PPARGC1A: variants seen among roughly 807,000 people sequenced by gnomAD.
PPARGC1A encodes PPARG coactivator 1 alpha.
A neutral mutation model predicts 88.7 loss-of-function variants in PPARGC1A; 25 were observed. The ratio of observed to expected loss-of-function variants is 0.28; its 90% CI spans 0.21 to 0.39. The LOEUF is 0.39. Ranked by LOEUF, PPARGC1A falls within the 10% of genes least tolerant of loss-of-function variation. The pLI is 1.00. For missense variants in PPARGC1A, 880 were observed against 968.7 expected (o/e 0.91, Z 1.22); for synonymous variants, 363 against 355.6 (o/e 1.02, Z -0.24).
the PPARGC1A span, among the ~76,000 whole-genome samples, chr4:24,162,012 A>ACC: frequency 7.2e-6 from 1 of 139,036 alleles, no homozygotes; most frequent in East Asian, 2.1e-4. Context: ...ACACACACAC[A>ACC]CCATGGAATA....
chr4:24,274,682 T>C, the PPARGC1A span, among the ~76,000 whole-genome samples: 1 of 152,342 alleles, frequency 6.6e-6, no homozygotes, highest in Admixed American at 6.5e-5. Flanking sequence ...GCTAGATTTG[T>C]CTTATCTGCC....
the PPARGC1A span, among the ~76,000 whole-genome samples, chr4:24,350,249 TC>T: frequency 6.6e-6 from 1 of 152,132 alleles, no homozygotes; most frequent in African/African-American, 2.4e-5. Context: ...AGGTGATCTG[TC>T]CGTCTTGGCC....
At chr4:24,331,782 T>C in the PPARGC1A span, among the ~76,000 whole-genome samples, 16 of 150,614 alleles carry the variant, frequency 1.1e-4, no homozygotes, top group Middle Eastern at 3.4e-3. Flanking sequence ...TATATATATA[T>C]ATATTTTAAG....
At chr4:23,824,861 G>A (rs916595613) in intron 5 of PPARGC1A, among the ~76,000 whole-genome samples, 2 of 152,058 alleles carry the variant, frequency 1.3e-5, no homozygotes, top group African/African-American at 4.8e-5. Context: ...AAACAGCAGA[G>A]CAACTATAAG....
the PPARGC1A span, among the ~76,000 whole-genome samples, chr4:24,320,430 ACCT>A: frequency 2.0e-5 from 3 of 152,202 alleles, no homozygotes; most frequent in South Asian, 6.2e-4. Context: ...AAAGTAAACA[ACCT>A]TAGCATTCAA....
the PPARGC1A span, among the ~76,000 whole-genome samples, chr4:24,010,101 T>C: frequency 6.6e-6 from 1 of 152,218 alleles, no homozygotes; most frequent in African/African-American, 2.4e-5. Flanking sequence ...TGGATTTCAT[T>C]AGACCTGCAG....
chr4:23,818,676 A>T (rs61795671), intron 7 of PPARGC1A, among the ~76,000 whole-genome samples: 115 of 145,532 alleles, frequency 7.9e-4, no homozygotes, highest in African/African-American at 2.8e-3. Context: ...CCTTTTATTT[A>T]AAAAAAAAAG....
At chr4:23,970,060 T>C in the PPARGC1A span, among the ~76,000 whole-genome samples, 30 of 152,150 alleles carry the variant, frequency 2.0e-4, no homozygotes, top group Non-Finnish European at 3.7e-4. Flanking sequence ...TGTGTGATGG[T>C]TTAGAGTATG....
chr4:24,382,548 A>G, the PPARGC1A span, among the ~76,000 whole-genome samples: 1 of 152,310 alleles, frequency 6.6e-6, no homozygotes, highest in Admixed American at 6.5e-5. Flanking sequence ...ATGTTTGTAG[A>G]CTATTTGTAG....
chr4:24,268,305 A>G, the PPARGC1A span, among the ~76,000 whole-genome samples: 2 of 152,242 alleles, frequency 1.3e-5, no homozygotes, highest in African/African-American at 4.8e-5. Flanking sequence ...GTATTAACCA[A>G]GGTCACTGCT....
chr4:24,062,253 G>C, the PPARGC1A span, among the ~76,000 whole-genome samples: 1 of 152,198 alleles, frequency 6.6e-6, no homozygotes, highest in Non-Finnish European at 1.5e-5. Context: ...TGTAATACCT[G>C]CAGGATTCGG....
At chr4:24,084,353 T>C in the PPARGC1A span, among the ~76,000 whole-genome samples, 88 of 152,218 alleles carry the variant, frequency 5.8e-4, 1 homozygote, top group Admixed American at 1.3e-4. Context: ...TGGATTTAGG[T>C]TGCTTAGCCT....
At chr4:23,910,351 T>C in the PPARGC1A span, among the ~76,000 whole-genome samples, 1 of 60,334 alleles carries the variant, frequency 1.7e-5, no homozygotes, top group Non-Finnish European at 2.8e-5. Flanking sequence ...TTATATATTA[T>C]ATATATTATA....
At chr4:24,385,672 C>T in the PPARGC1A span, among the ~76,000 whole-genome samples, 1 of 152,082 alleles carries the variant, frequency 6.6e-6, no homozygotes, top group Non-Finnish European at 1.5e-5. Flanking sequence ...GACACATACA[C>T]CCTCGCAAGA....
At chr4:23,874,460 T>C (rs1714266662) in intron 2 of PPARGC1A, among the ~76,000 whole-genome samples, 1 of 152,176 alleles carries the variant, frequency 6.6e-6, no homozygotes, top group South Asian at 2.1e-4. Flanking sequence ...TTGGGAACAC[T>C]GTGTCCTTAA....
the PPARGC1A span, among the ~76,000 whole-genome samples, chr4:24,045,159 G>A: frequency 7.9e-5 from 12 of 152,168 alleles, no homozygotes; most frequent in Non-Finnish European, 1.6e-4. Context: ...TCACTGCTAT[G>A]TCAACTGGTG....
chr4:24,032,762 T>A, the PPARGC1A span, among the ~76,000 whole-genome samples: 1 of 152,156 alleles, frequency 6.6e-6, no homozygotes, highest in African/African-American at 2.4e-5. Context: ...CACCAGACAC[T>A]ACACAGGAAG....
At chr4:24,000,273 A>G in the PPARGC1A span, among the ~76,000 whole-genome samples, 2 of 152,084 alleles carry the variant, frequency 1.3e-5, no homozygotes, top group African/African-American at 4.8e-5. Flanking sequence ...CTCTGACATG[A>G]ATCTCAGAGA....
At chr4:24,421,258 TAAATC>T in the PPARGC1A span, among the ~76,000 whole-genome samples, 1 of 151,944 alleles carries the variant, frequency 6.6e-6, no homozygotes, top group Non-Finnish European at 1.5e-5. Context: ...GGGATATACT[TAAATC>T]AAAACATTAT....
Sources: allele counts gnomAD v4.1 joint callset (sites outside exome capture counted in the v4.1 genomes callset), GRCh38; gene constraint gnomAD v4.1.1; transcripts MANE v1.5; gene names NCBI Gene and HGNC (gene_info 2026-07-23, HGNC 2026-07-21).